PLA2R1: variants seen among roughly 807,000 people sequenced by gnomAD.
PLA2R1 encodes the protein phospholipase A2 receptor 1, also known as secretory phospholipase A2 receptor.
Under a neutral mutation model 195.9 loss-of-function variants are expected in PLA2R1, and 158 were observed. The observed-to-expected ratio is 0.81, with a 90% CI of 0.71 to 0.92. The LOEUF is 0.92. PLA2R1 is among the 40% of genes least tolerant of loss of function. The pLI, the probability that PLA2R1 is intolerant of heterozygous loss-of-function variation, is 0.00. For missense variants in PLA2R1, 1,626 were observed against 1,764.6 expected (o/e 0.92, Z 1.41); for synonymous variants, 586 against 598.2 (o/e 0.98, Z 0.30).
At position 159,946,903 on chromosome 2, in the gene PLA2R1, T is replaced by C. The variant is rs781227860; in HGVS notation, c.3865A>G (p.Thr1289Ala). ...FCKKEGSNLL[T>A]IKDEAENAFL... Reference sequence around the variant, plus strand: ...GCATTTTCAGCCTCATCCTTGATTGTTAAAAGATTAGAACCTATAAGAGAG... The same window carrying C: ...GCATTTTCAGCCTCATCCTTGATTGCTAAAAGATTAGAACCTATAAGAGAG... Residue 1289 changes from threonine (T) to alanine (A), a missense_variant, in exon 27 of 30, where the codon ACA (threonine) becomes GCA (alanine). Physicochemically the swap from Thr to Ala is moderately conservative, Grantham distance 58 (BLOSUM62 0). Transcript: ENST00000283243. 1.2e-6 allele frequency: 2 copies of C among 1,604,224 alleles called. No homozygotes were observed. Among genetic ancestry groups the C allele is most frequent in the East Asian group, 2.2e-5 (1 of 44,726 alleles).
chr2:160,035,716 C>G (rs1404260225), intron 3 of PLA2R1, among the ~76,000 whole-genome samples: 1 of 152,084 alleles, frequency 6.6e-6, no homozygotes, highest in Non-Finnish European at 1.5e-5. Context: ...ATTTTTCCTT[C>G]CTAAACTACA....
In PLA2R1 at chr2:160,037,106, C is replaced by T. The variant is rs1694212417; in HGVS notation, c.668-3974G>A. ...AGATCTTCAATAAATCCACATTTTT[C>T]CAATCCCCTTGCTGCCACCTAACTG... is the stretch of plus-strand genomic sequence containing the variant. On this transcript the variant is annotated intron_variant, in intron 3 of 29. Transcript: ENST00000283243. Among the ~76,000 whole-genome samples, 4 of 152,148 alleles carry T rather than the reference C, an allele frequency of 2.6e-5. No individual in the cohort carries two copies. The South Asian group carries it at 8.3e-4, about 32-fold the overall frequency.
chr2:159,971,272 G>A (rs1013724268), intron 17 of PLA2R1, among the ~76,000 whole-genome samples: 11 of 152,074 alleles, frequency 7.2e-5, no homozygotes, highest in Admixed American at 2.0e-4. Context: ...CTTAATCTAA[G>A]ATTGTATTAG....
chr2:160,046,498 C>A (rs1239389395), intron 1 of PLA2R1, among the ~76,000 whole-genome samples: 1 of 152,172 alleles, frequency 6.6e-6, no homozygotes, highest in Non-Finnish European at 1.5e-5. Flanking sequence ...AACAATGCTT[C>A]ATTCTGGTAA....
At chr2:159,994,205 C>T (rs1606117) in intron 11 of PLA2R1, among the ~76,000 whole-genome samples, 54,476 of 151,656 alleles carry the variant, frequency 0.36, 12,285 homozygotes, top group Non-Finnish European at 0.49. Context: ...AATAAAAATG[C>T]GTATTTTATG....
intron 7 of PLA2R1, among the ~76,000 whole-genome samples, chr2:160,022,199 G>T (rs1313383489): frequency 6.6e-6 from 1 of 152,146 alleles, no homozygotes; most frequent in East Asian, 1.9e-4. Context: ...CGGAAGCCAG[G>T]AGCCTAAAAT....
At chr2:160,042,313 A>T in intron 2 of PLA2R1, 115 bp from the exon 3 acceptor site, 1 of 784,444 alleles carries the variant, frequency 1.3e-6, no homozygotes, top group Non-Finnish European at 2.1e-6. Flanking sequence ...GCAGATACTC[A>T]CTACAGCAGA....
In PLA2R1 at chr2:159,967,620, C is replaced by G. The variant is rs760061882; in HGVS notation, c.2823G>C (p.Lys941Asn). 1 of 1,613,568 alleles carries G rather than the reference C, an allele frequency of 6.2e-7. No homozygotes were observed. Among genetic ancestry groups the G allele is most frequent in the Non-Finnish European group, 8.5e-7 (1 of 1,179,628 alleles). The change falls in exon 20 of 30, where the codon AAG (lysine) becomes AAC (asparagine). Residue 941 changes from lysine (K) to asparagine (N), a missense_variant. Lys to Asn is a moderately conservative substitution (Grantham distance 94). Coordinates refer to ENST00000283243, the MANE Select transcript of PLA2R1 (RefSeq NM_007366.5). ...VSMPSICKRKKVWLIEKKKDT... is the reference protein window; with the variant it reads ...VSMPSICKRKNVWLIEKKKDT... ...CTTTCTTTTTCTCTATGAGCCAAAC[C>G]TTTTTTCGCTTACAGATACTAGGCA...
intron 17 of PLA2R1, 124 bp from the exon 18 acceptor site, chr2:159,970,336 T>C (rs1260069324): frequency 5.3e-6 from 3 of 568,484 alleles, no homozygotes; most frequent in East Asian, 6.0e-5. Context: ...TAAGGAAGAA[T>C]ACACTAAGGC....
chr2:159,971,498 A>T (rs113874481), intron 17 of PLA2R1, among the ~76,000 whole-genome samples: 25 of 120,130 alleles, frequency 2.1e-4, no homozygotes, highest in African/African-American at 6.0e-4. Flanking sequence ...ATACACACAC[A>T]CACACATTAG....
At chr2:160,029,986 C>G (rs1163282242) in intron 4 of PLA2R1, among the ~76,000 whole-genome samples, 1 of 152,146 alleles carries the variant, frequency 6.6e-6, no homozygotes, top group African/African-American at 2.4e-5. Context: ...TGACCGTATG[C>G]CCCCATTTTC....
chr2:159,946,434 C>T (rs1257896670), intron 27 of PLA2R1: 1 of 992,240 alleles, frequency 1.0e-6, no homozygotes, highest in African/African-American at 1.7e-5. Flanking sequence ...ATCATGGAAA[C>T]ATTTCCATAA....
chr2:159,957,210 A>T (rs1296262224), intron 20 of PLA2R1, among the ~76,000 whole-genome samples: 4 of 152,208 alleles, frequency 2.6e-5, no homozygotes, highest in Admixed American at 6.5e-5. Flanking sequence ...TGACCAAAGA[A>T]ACCTGGGAAG....
rs1050108266 is a variant in PLA2R1 at position 160,013,757 on chromosome 2, C to G, written c.1552-382G>C. Among the ~76,000 whole-genome samples, 47 of 108,240 alleles carry G rather than the reference C, an allele frequency of 4.3e-4. 1 individual carries two copies. The highest frequency in any genetic ancestry group is 7.1e-4 in the African/African-American group (21 of 29,628). The allele number at this position is 108,240 out of a possible 152,430, so 71.0% of individuals were successfully genotyped here. A position where few individuals can be genotyped will look rare whatever the true frequency, so the allele number is the denominator to read the frequency against. On this transcript the variant is annotated intron_variant, in intron 9 of 29. Coordinates refer to ENST00000283243, the MANE Select transcript of PLA2R1 (RefSeq NM_007366.5). ...TGTGTGTGTGTGTGTGTGTGTCTCT[C>G]TCTCTCTGACTTACAGAATTTCATA...
intron 1 of PLA2R1, among the ~76,000 whole-genome samples, chr2:160,049,216 A>G (rs1284826414): frequency 6.6e-6 from 1 of 151,966 alleles, no homozygotes; most frequent in Non-Finnish European, 1.5e-5. Flanking sequence ...TCTACTTTCT[A>G]CTTCTGAGTT....
At chr2:159,987,756 CA>C (rs1690453290) in intron 11 of PLA2R1, among the ~76,000 whole-genome samples, 1 of 152,108 alleles carries the variant, frequency 6.6e-6, no homozygotes. Context: ...CTGGATTCAA[CA>C]GGGGAAAATA....
chr2:160,019,351 C>A (rs1692958428), intron 8 of PLA2R1, among the ~76,000 whole-genome samples: 1 of 152,188 alleles, frequency 6.6e-6, no homozygotes, highest in African/African-American at 2.4e-5. Flanking sequence ...GTCAATGGCA[C>A]CACCATACAC....
intron 17 of PLA2R1, among the ~76,000 whole-genome samples, chr2:159,974,203 G>A (rs1230627763): frequency 6.6e-6 from 1 of 152,146 alleles, no homozygotes; most frequent in African/African-American, 2.4e-5. Context: ...AAGACGTTGT[G>A]CTCTTACATG....
rs1384626285 is a variant in PLA2R1, at chr2:159,970,164, CTCTT to C, written c.2640_2643del (p.Arg881ProfsTer13). ...GGTTCATACCGAAATTCATCATTGG[CTCTT>C]TCTTCTTGAAGTCCAATCCACCAAC... On this transcript the variant is annotated frameshift_variant, in exon 18 of 30. Transcript: ENST00000283243. LOFTEE classifies it high-confidence loss of function. 8.1e-6 allele frequency: 13 copies of C among 1,606,118 alleles called. No homozygotes were observed. Among genetic ancestry groups the C allele is most frequent in the Non-Finnish European group, 8.5e-6 (10 of 1,174,814 alleles).
Sources: gnomAD v4.1 joint callset for allele counts (sites outside exome capture counted in the v4.1 genomes callset) on GRCh38, gnomAD v4.1.1 for gene constraint, MANE v1.5 for transcripts, NCBI Gene and HGNC (gene_info 2026-07-23, HGNC 2026-07-21) for gene names.